Variants in CCDC73 observed in about 807,000 individuals in gnomAD.
The protein encoded by CCDC73 is coiled-coil domain-containing protein 73.
In CCDC73, 95 loss-of-function variants were observed where a neutral mutation model predicts 116.5. That is an observed-to-expected ratio of 0.82 (90% CI 0.69 to 0.97). The LOEUF (loss-of-function observed/expected upper bound fraction) is 0.97. Ranked by LOEUF, CCDC73 falls within the 50% of genes least tolerant of loss-of-function variation. The pLI, the probability that CCDC73 is intolerant of heterozygous loss-of-function variation, is 0.00. For synonymous variants in CCDC73, 398 were observed against 401.3 expected (o/e 0.99, Z 0.10); for missense variants, 1,066 against 1,206.8 (o/e 0.88, Z 1.73).
intron 1 of CCDC73, among the ~76,000 whole-genome samples, chr11:32,769,354 A>T (rs1265669836): frequency 6.6e-6 from 1 of 152,132 alleles, no homozygotes. Context: ...TCTGTCTGAA[A>T]AGTCTGTTTC....
chr11:32,814,875 A>G, the CCDC73 span, among the ~76,000 whole-genome samples: 3 of 152,234 alleles, frequency 2.0e-5, no homozygotes, highest in Non-Finnish European at 4.4e-5. Context: ...GATGCATGCT[A>G]CAGTGTGGAT....
chr11:32,768,865 A>G (rs967761981), intron 1 of CCDC73, among the ~76,000 whole-genome samples: 2 of 152,196 alleles, frequency 1.3e-5, no homozygotes, highest in African/African-American at 4.8e-5. Context: ...AAGAAAGAAA[A>G]GAGACAAAGA....
the CCDC73 span, among the ~76,000 whole-genome samples, chr11:32,818,034 C>T: frequency 3.3e-5 from 5 of 152,316 alleles, no homozygotes; most frequent in African/African-American, 9.6e-5. Flanking sequence ...ACTTGCCAAT[C>T]CTGTAATAGT....
intron 17 of CCDC73, chr11:32,603,433 ATT>A (rs72178300): frequency 0.16 from 24,449 of 154,528 alleles, 2,041 homozygotes; most frequent in South Asian, 0.27. Flanking sequence ...CTTACTGGAA[ATT>A]TAGAAAATAG....
chr11:32,743,008 G>C (rs1364460452), intron 2 of CCDC73, among the ~76,000 whole-genome samples: 1 of 152,220 alleles, frequency 6.6e-6, no homozygotes, highest in African/African-American at 2.4e-5. Context: ...CTGTTCCATT[G>C]GTCTATATAT....
chr11:32,786,576 C>T (rs1850631467), intron 1 of CCDC73, among the ~76,000 whole-genome samples: 2 of 148,326 alleles, frequency 1.3e-5, no homozygotes, highest in African/African-American at 4.9e-5. Context: ...ATGCTTAAAG[C>T]ATCATTTCAG....
intron 17 of CCDC73, 91 bp downstream of exon 17, chr11:32,611,041 G>C (rs1855417120): frequency 5.0e-6 from 6 of 1,192,678 alleles, no homozygotes; most frequent in Non-Finnish European, 7.0e-6. Flanking sequence ...AGATCAGTTA[G>C]GTCTTAAAGC....
chr11:32,793,258 C>CT (rs1490532775), intron 1 of CCDC73, among the ~76,000 whole-genome samples: 7 of 152,288 alleles, frequency 4.6e-5, no homozygotes, highest in Non-Finnish European at 1.0e-4. Context: ...GTTGTAAAGA[C>CT]TCAAATTGGC....
At chr11:32,696,412 T>TA (rs1184463070) in intron 6 of CCDC73, among the ~76,000 whole-genome samples, 1 of 152,168 alleles carries the variant, frequency 6.6e-6, no homozygotes. Flanking sequence ...TTCTTTTTTT[T>TA]AATTATGGTC....
chr11:32,712,653 CAAT>C (rs1056384912), intron 3 of CCDC73, among the ~76,000 whole-genome samples: 29 of 151,972 alleles, frequency 1.9e-4, no homozygotes, highest in African/African-American at 6.7e-4. Flanking sequence ...ACAAACTATA[CAAT>C]AATACTATTT....
chr11:32,767,202 C>A (rs571824921), intron 1 of CCDC73, among the ~76,000 whole-genome samples: 4 of 152,062 alleles, frequency 2.6e-5, no homozygotes, highest in African/African-American at 7.2e-5. Context: ...ACAAACCTGA[C>A]AAAAACAAGA....
At chr11:32,799,376 G>A (rs777836767), upstream of CCDC73, among the ~76,000 whole-genome samples, 1 of 151,944 alleles carries the variant, frequency 6.6e-6, no homozygotes, top group Non-Finnish European at 1.5e-5. Flanking sequence ...ACAGGCATGA[G>A]CCACCATGCC....
Position 32,613,406 on chromosome 11 carries a change from T to C in CCDC73, c.2896+16A>G. On this transcript the variant is annotated intron_variant, in intron 16 of 17. Coordinates refer to ENST00000335185, the MANE Select transcript of CCDC73 (RefSeq NM_001008391.4). Reference sequence around the variant, plus strand: ...AAAAATATTTTGAGAATTAAAACATTACTTTGTTTTCTTACCTGGTCCAAT... The same window carrying C: ...AAAAATATTTTGAGAATTAAAACATCACTTTGTTTTCTTACCTGGTCCAAT... The C allele has an allele frequency of 6.4e-7, 1 of 1,555,410 alleles. No individual in the cohort carries two copies. The highest frequency in any genetic ancestry group is 1.2e-5 in the South Asian group (1 of 85,256).
the CCDC73 span, among the ~76,000 whole-genome samples, chr11:32,826,964 C>A: frequency 1.3e-5 from 2 of 152,064 alleles, no homozygotes; most frequent in Non-Finnish European, 2.9e-5. Flanking sequence ...TGGGTTCAAG[C>A]GATTCTCCCG....
intron 12 of CCDC73, among the ~76,000 whole-genome samples, chr11:32,649,775 T>C (rs1386563478): frequency 6.6e-6 from 1 of 152,192 alleles, no homozygotes; most frequent in Non-Finnish European, 1.5e-5. Context: ...ATCCTGAGAT[T>C]ATGTCCTTAA....
chr11:32,631,190 A>T (rs1415683628), intron 14 of CCDC73, among the ~76,000 whole-genome samples: 1 of 152,232 alleles, frequency 6.6e-6, no homozygotes, highest in Admixed American at 6.5e-5. Context: ...AGATACACAC[A>T]CAATCTGTAA....
chr11:32,743,764 T>C (rs1290426243), intron 2 of CCDC73, among the ~76,000 whole-genome samples: 2 of 152,096 alleles, frequency 1.3e-5, no homozygotes, highest in African/African-American at 4.8e-5. Flanking sequence ...TTTTGTATCC[T>C]GAGACTTTGC....
At chr11:32,682,585 T>A (rs1173892837) in intron 7 of CCDC73, 1 of 151,956 alleles carries the variant, frequency 6.6e-6, no homozygotes, top group East Asian at 1.9e-4. Flanking sequence ...TACTCAAAAA[T>A]TAATTTTACT....
chr11:32,699,225 T>C, intron 6 of CCDC73, 26 bp downstream of exon 6: 1 of 1,556,538 alleles, frequency 6.4e-7, no homozygotes, highest in Non-Finnish European at 8.7e-7. Context: ...CAAACTACTT[T>C]TTAAACAATA....
Sources: gnomAD v4.1 joint callset for allele counts (sites outside exome capture counted in the v4.1 genomes callset) on GRCh38, gnomAD v4.1.1 for gene constraint, MANE v1.5 for transcripts, NCBI Gene and HGNC (gene_info 2026-07-23, HGNC 2026-07-21) for gene names.